Variants in NR1H4 observed in about 807,000 individuals in gnomAD.
NR1H4 encodes bile acid receptor.
NR1H4 carries 23 observed loss-of-function variants against 58.5 expected under a neutral mutation model. The observed-to-expected ratio is 0.39, with a 90% CI of 0.28 to 0.56. The LOEUF (loss-of-function observed/expected upper bound fraction) is 0.56, where lower values mean the gene tolerates loss of function less well. Among genes scored for constraint, NR1H4 ranks in the 20% least tolerant of loss-of-function variants. The pLI, the probability that NR1H4 is intolerant of heterozygous loss-of-function variation, is 0.58. For synonymous variants in NR1H4, 214 were observed against 198.0 expected (o/e 1.08, Z -0.68); for missense variants, 487 against 576.9 (o/e 0.84, Z 1.60).
chr12:100,496,841 G>T (rs1298001294), intron 3 of NR1H4, among the ~76,000 whole-genome samples: 1 of 152,158 alleles, frequency 6.6e-6, no homozygotes, highest in Admixed American at 6.5e-5. Context: ...CTGGGTCCTG[G>T]AGACAATAAT....
intron 9 of NR1H4, among the ~76,000 whole-genome samples, chr12:100,557,475 A>C (rs1955356770): frequency 6.6e-6 from 1 of 152,248 alleles, no homozygotes; most frequent in African/African-American, 2.4e-5. Context: ...GAGGCAAAAA[A>C]CATCCAAACT....
chr12:100,513,790 G>A (rs1203489581), intron 4 of NR1H4, among the ~76,000 whole-genome samples: 2 of 146,396 alleles, frequency 1.4e-5, no homozygotes, highest in South Asian at 2.2e-4. Flanking sequence ...GCGAGACTCC[G>A]TCAAAGACAG....
chr12:100,530,972 A>G (rs1438280879), intron 4 of NR1H4, among the ~76,000 whole-genome samples: 2 of 152,172 alleles, frequency 1.3e-5, no homozygotes, highest in East Asian at 3.9e-4. Context: ...GATAAATGGG[A>G]GAGATTTCTC....
At chr12:100,523,219 A>AT (rs1197600509) in intron 4 of NR1H4, among the ~76,000 whole-genome samples, 4 of 152,048 alleles carry the variant, frequency 2.6e-5, no homozygotes. Context: ...AAAATCTATT[A>AT]TTTTTTGACT....
Position 100,563,493 on chromosome 12 carries a change from G to T in NR1H4, c.*4G>T. On this transcript the variant is annotated 3_prime_UTR_variant, in exon 11 of 11. Transcript: ENST00000392986. ...TGAAATCTGGGACGTGCAGTGATGGGGATTACAGGGGAGGGGTCTAGCTCC... is the reference window on the plus strand; with the variant it reads ...TGAAATCTGGGACGTGCAGTGATGGTGATTACAGGGGAGGGGTCTAGCTCC... 1.2e-6 allele frequency: 2 copies of T among 1,603,922 alleles called. No homozygotes were observed. The highest frequency in any genetic ancestry group is 1.7e-6 in the Non-Finnish European group (2 of 1,170,766).
chr12:100,554,744 G>A (rs571764572), intron 9 of NR1H4, among the ~76,000 whole-genome samples: 121 of 152,250 alleles, frequency 7.9e-4, no homozygotes, highest in South Asian at 4.8e-3. Flanking sequence ...AAGCGAAAAT[G>A]AAGCAAATTT....
chr12:100,529,081 CAA>C (rs768887896), intron 4 of NR1H4, among the ~76,000 whole-genome samples: 1 of 152,192 alleles, frequency 6.6e-6, no homozygotes, highest in African/African-American at 2.4e-5. Context: ...ATCTGCAGCA[CAA>C]AGTCTTTTTT....
At chr12:100,545,503 A>G (rs1593121063) in intron 9 of NR1H4, among the ~76,000 whole-genome samples, 1 of 151,620 alleles carries the variant, frequency 6.6e-6, no homozygotes, top group Non-Finnish European at 1.5e-5. Context: ...TTAGCTGGGC[A>G]TGGTGGCATG....
At chr12:100,523,277 A>C (rs11110409) in intron 4 of NR1H4, among the ~76,000 whole-genome samples, 5,521 of 152,126 alleles carry the variant, frequency 0.036, 369 homozygotes, top group East Asian at 0.29. Flanking sequence ...TCTCATTGTC[A>C]TTTTAATTTG....
chr12:100,530,787 C>A (rs1278297371), intron 4 of NR1H4, among the ~76,000 whole-genome samples: 1 of 152,112 alleles, frequency 6.6e-6, no homozygotes, highest in Non-Finnish European at 1.5e-5. Flanking sequence ...CCCCTCATGC[C>A]CCCAAAATGT....
At chr12:100,491,120 T>C (rs1184582108) in intron 1 of NR1H4, among the ~76,000 whole-genome samples, 1 of 152,200 alleles carries the variant, frequency 6.6e-6, no homozygotes, top group Non-Finnish European at 1.5e-5. Context: ...ACTGGCTTAC[T>C]CTTCAGGACC....
chr12:100,512,019 G>A (rs1954132129), intron 4 of NR1H4, among the ~76,000 whole-genome samples: 1 of 151,278 alleles, frequency 6.6e-6, no homozygotes, highest in Non-Finnish European at 1.5e-5. Context: ...GATCGCTTGA[G>A]TCCAGGAGTT....
intron 4 of NR1H4, among the ~76,000 whole-genome samples, chr12:100,513,881 T>A (rs1954195711): frequency 6.6e-6 from 1 of 151,062 alleles, no homozygotes; most frequent in African/African-American, 2.4e-5. Context: ...AAAAATAAAG[T>A]AGTTTCCAAA....
At chr12:100,515,204 T>C (rs1308227863) in intron 4 of NR1H4, among the ~76,000 whole-genome samples, 1 of 144,500 alleles carries the variant, frequency 6.9e-6, no homozygotes, top group East Asian at 2.1e-4. Context: ...AGAGTCTTGC[T>C]CTGTTGCCCA....
chr12:100,509,199 C>T (rs1420399942), intron 3 of NR1H4, among the ~76,000 whole-genome samples: 2 of 152,130 alleles, frequency 1.3e-5, no homozygotes, highest in African/African-American at 4.8e-5. Context: ...GCTCAAAATC[C>T]CACTGTTCAT....
At chr12:100,487,993 G>A (rs989903511) in intron 1 of NR1H4, among the ~76,000 whole-genome samples, 5 of 151,590 alleles carry the variant, frequency 3.3e-5, no homozygotes, top group East Asian at 1.9e-4. Context: ...ACCTGACAAT[G>A]TTGTTTTCCT....
intron 1 of NR1H4, among the ~76,000 whole-genome samples, 153 bp from the exon 2 acceptor site, chr12:100,492,350 T>C (rs1953623269): frequency 6.6e-6 from 1 of 152,160 alleles, no homozygotes; most frequent in South Asian, 2.1e-4. Context: ...GCAGCAAATA[T>C]AGACAGCTAT....
chr12:100,486,059 C>A (rs563752850), intron 1 of NR1H4, among the ~76,000 whole-genome samples: 2 of 151,946 alleles, frequency 1.3e-5, no homozygotes, highest in African/African-American at 2.4e-5. Context: ...ACTTTTTAAG[C>A]TTTACGGCAA....
Position 100,474,274 on chromosome 12 carries a change from T to C in NR1H4, c.-190+215T>C, listed in dbSNP as rs1953221645. Among the ~76,000 whole-genome samples, 3 of 152,308 alleles carry C rather than the reference T, an allele frequency of 2.0e-5. No individual in the cohort carries two copies. In the South Asian group the frequency reaches 6.2e-4, roughly 32 times the overall value. ...AAGTTAATGAGTCTTAACAGTTGCT[T>C]ACCTATTGAAAACTTATTTAGAAAT... On this transcript the variant is annotated intron_variant, in intron 1 of 10. Coordinates refer to ENST00000392986, the MANE Select transcript of NR1H4 (RefSeq NM_001206979.2).
Sources: gnomAD v4.1 joint callset for allele counts (sites outside exome capture counted in the v4.1 genomes callset) on GRCh38, gnomAD v4.1.1 for gene constraint, MANE v1.5 for transcripts, NCBI Gene and HGNC (gene_info 2026-07-23, HGNC 2026-07-21) for gene names.